ZNF469: variants seen among roughly 807,000 people sequenced by gnomAD.
The protein encoded by ZNF469 is zinc finger protein 469.
ZNF469 carries 1 observed loss-of-function variant against 1.0 expected under a neutral mutation model. The observed-to-expected ratio is 1.00, with a 90% CI of 0.35 to 4.73. The LOEUF (loss-of-function observed/expected upper bound fraction) is 4.73. Among genes scored for constraint, ZNF469 ranks in the 30% most tolerant of loss-of-function variants. The probability of loss-of-function intolerance (pLI) is 0.16; values close to 1 mark genes in which losing one functional copy is unlikely to be tolerated. For missense variants in ZNF469, 6,100 were observed against 5,356.3 expected (o/e 1.14, Z -4.33); for synonymous variants, 2,703 against 2,363.4 (o/e 1.14, Z -4.17).
the ZNF469 span, among the ~76,000 whole-genome samples, chr16:88,279,069 TGG>T: frequency 5.8e-5 from 8 of 138,366 alleles, no homozygotes; most frequent in African/African-American, 2.2e-4. Context: ...TATCAGTGCA[TGG>T]TTAGTGCTGC....
chr16:88,273,908 C>T, the ZNF469 span, among the ~76,000 whole-genome samples: 1 of 151,818 alleles, frequency 6.6e-6, no homozygotes, highest in African/African-American at 2.4e-5. Context: ...GGGTTCACGC[C>T]ATTCTCCTGC....
chr16:88,251,409 G>A, the ZNF469 span, among the ~76,000 whole-genome samples: 60 of 151,988 alleles, frequency 3.9e-4, no homozygotes, highest in East Asian at 6.0e-3. Context: ...ATGCTATGTC[G>A]GCAGCAGCTC....
At chr16:88,133,513 A>G in the ZNF469 span, among the ~76,000 whole-genome samples, 1 of 152,244 alleles carries the variant, frequency 6.6e-6, no homozygotes, top group East Asian at 1.9e-4. Context: ...ATTTAATTTA[A>G]TAATGTATGT....
At chr16:88,216,908 A>C in the ZNF469 span, among the ~76,000 whole-genome samples, 11 of 151,378 alleles carry the variant, frequency 7.3e-5, no homozygotes, top group African/African-American at 2.4e-4. Context: ...TTCTTTGTCT[A>C]ATCTGTGTTC....
the ZNF469 span, among the ~76,000 whole-genome samples, chr16:88,343,903 T>G: frequency 0.024 from 3,644 of 152,192 alleles, 148 homozygotes; most frequent in African/African-American, 0.083. Context: ...AGAGAGGGAC[T>G]GCACAGTGGA....
chr16:88,174,221 T>C, the ZNF469 span, among the ~76,000 whole-genome samples: 1 of 152,120 alleles, frequency 6.6e-6, no homozygotes, highest in Non-Finnish European at 1.5e-5. Flanking sequence ...ACAAAAGAGA[T>C]TTGCTAGCAA....
chr16:88,198,861 G>A, the ZNF469 span, among the ~76,000 whole-genome samples: 1 of 152,236 alleles, frequency 6.6e-6, no homozygotes, highest in Admixed American at 6.5e-5. Flanking sequence ...CAGCAGACGT[G>A]AGCCTGTGTG....
chr16:88,333,249 C>T, the ZNF469 span, among the ~76,000 whole-genome samples: 3 of 152,090 alleles, frequency 2.0e-5, no homozygotes, highest in South Asian at 2.1e-4. Context: ...CCGGTGGGTA[C>T]GGCCAGGGGA....
At chr16:88,151,052 G>C in the ZNF469 span, among the ~76,000 whole-genome samples, 6 of 152,216 alleles carry the variant, frequency 3.9e-5, no homozygotes, top group African/African-American at 1.2e-4. This position sits in a 1 kb window ranked among gnomAD's most constrained non-coding sequence, Gnocchi z 5.4. Flanking sequence ...AGTGACACGC[G>C]ACTCCAGAGC....
At chr16:88,416,347 G>A (rs1297333702) in intron 1 of ZNF469, among the ~76,000 whole-genome samples, 3 of 152,192 alleles carry the variant, frequency 2.0e-5, no homozygotes, top group Admixed American at 6.5e-5. Flanking sequence ...GTTCACTTAC[G>A]CTATTGCTGC....
At chr16:88,254,227 G>A in the ZNF469 span, among the ~76,000 whole-genome samples, 11 of 152,232 alleles carry the variant, frequency 7.2e-5, no homozygotes, top group African/African-American at 1.9e-4. Context: ...TTCCTTCCAC[G>A]TGATCGCCAA....
chr16:88,130,780 A>T, the ZNF469 span, among the ~76,000 whole-genome samples: 1 of 151,566 alleles, frequency 6.6e-6, no homozygotes, highest in Non-Finnish European at 1.5e-5. Context: ...AGTGGTTCAG[A>T]CACACGAAGA....
chr16:88,428,097 GC>G lies in ZNF469; in HGVS notation c.634del (p.Gln212ArgfsTer134). ...CCACCCCCAGGCCCCCAGCCCCGGG[GC>G]CCCCCCAGAGCAGGGGCACCAGCCC... is the stretch of plus-strand genomic sequence containing the variant. ...SATPRPPAPG[P>X]PQSRGTSPLQ... is the part of the protein sequence containing the mutation. On this transcript the variant is annotated frameshift_variant, in exon 3 of 3. Transcript: ENST00000565624. LOFTEE classifies it low-confidence loss of function (END_TRUNC). The G allele has an allele frequency of 1.9e-6, 3 of 1,549,586 alleles. No homozygotes were observed. Among genetic ancestry groups the G allele is most frequent in the Non-Finnish European group, 2.6e-6 (3 of 1,146,678 alleles).
chr16:88,161,091 G>T, the ZNF469 span, among the ~76,000 whole-genome samples: 2 of 151,658 alleles, frequency 1.3e-5, no homozygotes, highest in Non-Finnish European at 2.9e-5. Flanking sequence ...AACCCAGGGG[G>T]CAGAGCTTGC....
the ZNF469 span, among the ~76,000 whole-genome samples, chr16:88,127,065 C>T: frequency 1.3e-5 from 2 of 152,174 alleles, no homozygotes; most frequent in Non-Finnish European, 2.9e-5. Context: ...TCAGGTGATC[C>T]GTCCGCCTCG....
the ZNF469 span, among the ~76,000 whole-genome samples, chr16:88,265,433 C>G: frequency 9.8e-5 from 15 of 152,308 alleles, no homozygotes; most frequent in South Asian, 2.9e-3. Context: ...CTTTTGGCCT[C>G]CCAGTGAGTC....
the ZNF469 span, among the ~76,000 whole-genome samples, chr16:88,330,669 A>G: frequency 3.9e-5 from 6 of 152,306 alleles, no homozygotes; most frequent in African/African-American, 1.4e-4. Context: ...CAGTCAGCAC[A>G]GGAGGTGAGA....
At chr16:88,191,324 C>T in the ZNF469 span, among the ~76,000 whole-genome samples, 3 of 152,326 alleles carry the variant, frequency 2.0e-5, no homozygotes, top group South Asian at 4.1e-4. Flanking sequence ...ACGGAGCTCT[C>T]GGAATGCGTA....
the ZNF469 span, among the ~76,000 whole-genome samples, chr16:88,204,835 C>G: frequency 1.3e-5 from 2 of 152,168 alleles, no homozygotes; most frequent in East Asian, 1.9e-4. Flanking sequence ...ACTCTTGAGA[C>G]CTGGATCCTT....
Sources: allele counts gnomAD v4.1 joint callset (sites outside exome capture counted in the v4.1 genomes callset), GRCh38; gene constraint gnomAD v4.1.1; non-coding constraint Gnocchi (gnomAD v3.1); transcripts MANE v1.5; gene names NCBI Gene and HGNC (gene_info 2026-07-23, HGNC 2026-07-21).